The following DAP variants were observed in gnomAD, a reference collection of about 807,000 sequenced individuals.
DAP encodes the protein death-associated protein 1.
A neutral mutation model predicts 13.8 loss-of-function variants in DAP; 8 were observed. The ratio of observed to expected loss-of-function variants is 0.58; its 90% CI spans 0.34 to 1.05. DAP has a LOEUF of 1.05. DAP is among the 50% of genes least tolerant of loss of function. The pLI, the probability that DAP is intolerant of heterozygous loss-of-function variation, is 0.03. For synonymous variants in DAP, 47 were observed against 47.5 expected, an observed-to-expected ratio of 0.99 and a Z score of 0.04; for missense variants, 106 against 133.2, an observed-to-expected ratio of 0.80 and a Z score of 1.01.
Position 10,680,550 on chromosome 5 carries a change from T to C in DAP, c.*506A>G, listed in dbSNP as rs1719623723. Reference sequence around the variant, plus strand: ...TCCCCCATCTCACGAGAGAGGGAAATTTGGCATTGCTGTTCCCTGCCTCTA... The same window carrying C: ...TCCCCCATCTCACGAGAGAGGGAAACTTGGCATTGCTGTTCCCTGCCTCTA... On this transcript the variant is annotated 3_prime_UTR_variant, in exon 4 of 4. Coordinates refer to ENST00000230895, the MANE Select transcript of DAP (RefSeq NM_004394.3). 1 of 627,388 alleles carries C rather than the reference T, an allele frequency of 1.6e-6. No individual in the cohort carries two copies. Among genetic ancestry groups the C allele is most frequent in the Non-Finnish European group, 2.8e-6 (1 of 363,256 alleles). The allele number at this position is 627,388 out of a possible 1,614,324, so 38.9% of individuals were successfully genotyped here.
chr5:10,689,161 C>T (rs760001715), intron 2 of DAP, among the ~76,000 whole-genome samples: 12 of 152,172 alleles, frequency 7.9e-5, no homozygotes, highest in South Asian at 2.1e-4. Context: ...ATCATGACAG[C>T]TCTGCTCTAG....
At chr5:10,752,231 A>G (rs1258305362) in intron 1 of DAP, among the ~76,000 whole-genome samples, 1 of 152,242 alleles carries the variant, frequency 6.6e-6, no homozygotes, top group Non-Finnish European at 1.5e-5. Context: ...TCTAAAAACA[A>G]TTAACTTCAT....
At chr5:10,723,525 A>T (rs542312908) in intron 2 of DAP, among the ~76,000 whole-genome samples, 1 of 152,342 alleles carries the variant, frequency 6.6e-6, no homozygotes, top group African/African-American at 2.4e-5. Flanking sequence ...TTTCATTGGG[A>T]TATTGGGGAA....
intron 2 of DAP, among the ~76,000 whole-genome samples, chr5:10,712,566 C>G (rs1443665550): frequency 6.6e-6 from 1 of 152,106 alleles, no homozygotes; most frequent in African/African-American, 2.4e-5. Flanking sequence ...CTCTCAGGTC[C>G]TGATTCATGG....
chr5:10,690,723 G>A (rs972989358), intron 2 of DAP, among the ~76,000 whole-genome samples: 8 of 152,210 alleles, frequency 5.3e-5, no homozygotes, highest in Admixed American at 2.6e-4. Context: ...GGACTGCTGC[G>A]AATGGTGCAG....
At chr5:10,751,277 A>G (rs1484660697) in intron 1 of DAP, among the ~76,000 whole-genome samples, 2 of 152,194 alleles carry the variant, frequency 1.3e-5, no homozygotes, top group Non-Finnish European at 2.9e-5. Context: ...CCAAAGACAA[A>G]ACAGAAAAGA....
chr5:10,738,899 C>T (rs374930737), intron 2 of DAP, among the ~76,000 whole-genome samples: 28 of 152,056 alleles, frequency 1.8e-4, no homozygotes, highest in Admixed American at 7.9e-4. Context: ...TATATGTGAG[C>T]GTTAAGAAAT....
intron 2 of DAP, among the ~76,000 whole-genome samples, chr5:10,746,894 A>G (rs1490869867): frequency 6.6e-6 from 1 of 151,996 alleles, no homozygotes; most frequent in Non-Finnish European, 1.5e-5. Context: ...GTGGGTGCCT[A>G]CTCTTGGCAA....
chr5:10,693,021 C>A (rs1738340836), intron 2 of DAP, among the ~76,000 whole-genome samples: 1 of 152,136 alleles, frequency 6.6e-6, no homozygotes, highest in Admixed American at 6.5e-5. Flanking sequence ...GTCCGATGTG[C>A]ATCTGACTGG....
intron 1 of DAP, among the ~76,000 whole-genome samples, chr5:10,758,222 T>TA (rs764070266): frequency 2.4e-4 from 36 of 147,356 alleles, no homozygotes; most frequent in Middle Eastern, 3.5e-3. Flanking sequence ...TTTTTTTTTT[T>TA]AAAAACTATC....
chr5:10,752,677 T>C (rs1319594104), intron 1 of DAP, among the ~76,000 whole-genome samples: 1 of 152,198 alleles, frequency 6.6e-6, no homozygotes, highest in East Asian at 1.9e-4. Flanking sequence ...TGCATAAGTG[T>C]GTGCACATGT....
intron 2 of DAP, among the ~76,000 whole-genome samples, chr5:10,709,005 T>C (rs1331643170): frequency 6.6e-6 from 1 of 152,270 alleles, no homozygotes; most frequent in African/African-American, 2.4e-5. Context: ...CTACAAATAA[T>C]TGATACGTTC....
At chr5:10,685,988 ATG>A (rs962054589) in intron 2 of DAP, among the ~76,000 whole-genome samples, 2 of 152,338 alleles carry the variant, frequency 1.3e-5, no homozygotes, top group African/African-American at 4.8e-5. Flanking sequence ...TTCACAGGTA[ATG>A]TGTTTCTTTA....
intron 2 of DAP, among the ~76,000 whole-genome samples, chr5:10,714,344 T>C (rs572657115): frequency 6.6e-6 from 1 of 152,226 alleles, no homozygotes; most frequent in Non-Finnish European, 1.5e-5. Flanking sequence ...CAGATATTAA[T>C]AGTTTTATAT....
chr5:10,730,742 T>TA (rs1739435135), intron 2 of DAP, among the ~76,000 whole-genome samples: 1 of 57,208 alleles, frequency 1.7e-5, no homozygotes, highest in East Asian at 5.7e-4. Flanking sequence ...AGAGCCCTGG[T>TA]GGGGGGAATC....
At chr5:10,698,261 T>A (rs892112261) in intron 2 of DAP, among the ~76,000 whole-genome samples, 1 of 124,144 alleles carries the variant, frequency 8.1e-6, no homozygotes, top group Non-Finnish European at 1.6e-5. Flanking sequence ...TACCAAGCAC[T>A]TGGGCCTTTT....
chr5:10,708,839 C>T (rs749206021), intron 2 of DAP, among the ~76,000 whole-genome samples: 3 of 152,220 alleles, frequency 2.0e-5, no homozygotes, highest in Non-Finnish European at 2.9e-5. Context: ...CACAGGAGCA[C>T]AGCTGTGCCT....
At chr5:10,698,162 C>A (rs1032760345) in intron 2 of DAP, among the ~76,000 whole-genome samples, 3 of 151,772 alleles carry the variant, frequency 2.0e-5, no homozygotes, top group Non-Finnish European at 4.4e-5. Flanking sequence ...CAGTAAGTGT[C>A]CTCAGTGGTC....
At chr5:10,704,693 G>A (rs1056323207) in intron 2 of DAP, among the ~76,000 whole-genome samples, 7 of 152,134 alleles carry the variant, frequency 4.6e-5, no homozygotes, top group African/African-American at 1.4e-4. Context: ...GGTCTTTTCT[G>A]GGTTAATAGA....
Sources: gnomAD v4.1 joint callset for allele counts (sites outside exome capture counted in the v4.1 genomes callset) on GRCh38, gnomAD v4.1.1 for gene constraint, MANE v1.5 for transcripts, NCBI Gene and HGNC (gene_info 2026-07-23, HGNC 2026-07-21) for gene names.